Variants in ARB2A observed in about 807,000 individuals in gnomAD.
The protein encoded by ARB2A is ARB2 cotranscriptional regulator A.
the ARB2A span, chr5:94,050,955 T>C: frequency 1.5e-6 from 1 of 673,354 alleles, no homozygotes; most frequent in Non-Finnish European, 2.3e-6. Context: ...ATCTTTTTCA[T>C]TAGATTTTTT....
At chr5:93,935,657 A>T in the ARB2A span, among the ~76,000 whole-genome samples, 2 of 152,318 alleles carry the variant, frequency 1.3e-5, no homozygotes, top group Admixed American at 1.3e-4. Flanking sequence ...CATATGTTCT[A>T]CTGTTAATTA....
the ARB2A span, among the ~76,000 whole-genome samples, chr5:94,047,361 G>A: frequency 1.3e-4 from 19 of 151,946 alleles, 2 homozygotes; most frequent in Non-Finnish European, 2.4e-4. Flanking sequence ...GTGTGGTGGT[G>A]CATGCCTGTA....
chr5:93,711,300 T>A, the ARB2A span, among the ~76,000 whole-genome samples: 6,808 of 151,304 alleles, frequency 0.045, 247 homozygotes, highest in East Asian at 0.13. Context: ...TTAAAAAAAA[T>A]TTCTGATGGG....
chr5:93,967,618 A>C, the ARB2A span, among the ~76,000 whole-genome samples: 1 of 152,012 alleles, frequency 6.6e-6, no homozygotes, highest in East Asian at 1.9e-4. Context: ...GAGGGGACAA[A>C]TTTTTATGAG....
the ARB2A span, chr5:93,683,476 C>T: frequency 6.3e-7 from 1 of 1,593,180 alleles, no homozygotes; most frequent in South Asian, 1.1e-5. Context: ...GCTGTACAGA[C>T]ATTTTCAAAG....
chr5:93,673,669 A>G, the ARB2A span, among the ~76,000 whole-genome samples: 1 of 152,196 alleles, frequency 6.6e-6, no homozygotes, highest in African/African-American at 2.4e-5. Flanking sequence ...CTCCGCAAAA[A>G]GCATTCTCCA....
chr5:93,896,827 C>A, the ARB2A span, among the ~76,000 whole-genome samples: 1 of 151,944 alleles, frequency 6.6e-6, no homozygotes, highest in Non-Finnish European at 1.5e-5. Context: ...GCAACTACTG[C>A]GACATATGCT....
chr5:93,792,543 A>G, the ARB2A span, among the ~76,000 whole-genome samples: 1 of 152,148 alleles, frequency 6.6e-6, no homozygotes, highest in Non-Finnish European at 1.5e-5. Flanking sequence ...GACATGGATG[A>G]AATTGGAAAT....
chr5:94,074,404 TTGAG>T, the ARB2A span, among the ~76,000 whole-genome samples: 1 of 152,074 alleles, frequency 6.6e-6, no homozygotes, highest in African/African-American at 2.4e-5. Flanking sequence ...ATGTATGACA[TTGAG>T]TAAGAAAAGC....
chr5:93,861,300 CTTTTTTTCT>C, the ARB2A span: 1 of 105,752 alleles, frequency 9.5e-6, no homozygotes, highest in African/African-American at 3.7e-5. Context: ...AACTTCTACT[CTTTTTTTCT>C]TTTTTTTTTT....
chr5:94,053,111 AGAT>A, the ARB2A span: 158 of 1,429,738 alleles, frequency 1.1e-4, no homozygotes, highest in Non-Finnish European at 1.5e-4. Flanking sequence ...ATAGATAGAT[AGAT>A]AACCCACTTA....
At chr5:93,639,847 C>T in the ARB2A span, among the ~76,000 whole-genome samples, 1 of 151,652 alleles carries the variant, frequency 6.6e-6, no homozygotes, top group Non-Finnish European at 1.5e-5. Flanking sequence ...GAGTTCGAGA[C>T]CGGCCTGGCC....
At chr5:93,828,514 C>A in the ARB2A span, among the ~76,000 whole-genome samples, 16 of 152,286 alleles carry the variant, frequency 1.1e-4, no homozygotes, top group East Asian at 3.1e-3. Context: ...TCAAATCCAT[C>A]TACTTTTCTT....
the ARB2A span, chr5:93,683,200 A>T: frequency 7.5e-7 from 1 of 1,325,962 alleles, no homozygotes; most frequent in Admixed American, 1.7e-5. Context: ...CATCATCTTC[A>T]TCATCATCCT....
the ARB2A span, among the ~76,000 whole-genome samples, chr5:93,809,341 C>A: frequency 6.6e-6 from 1 of 151,906 alleles, no homozygotes; most frequent in Non-Finnish European, 1.5e-5. Flanking sequence ...ATGCAGTTTA[C>A]CCATGTAACA....
the ARB2A span, among the ~76,000 whole-genome samples, chr5:93,679,272 C>A: frequency 6.6e-6 from 1 of 150,858 alleles, no homozygotes; most frequent in Non-Finnish European, 1.5e-5. Flanking sequence ...GAGAGAAATA[C>A]CCTATTTTTA....
the ARB2A span, among the ~76,000 whole-genome samples, chr5:93,628,572 T>C: frequency 2.0e-5 from 3 of 152,240 alleles, no homozygotes; most frequent in Non-Finnish European, 2.9e-5. Flanking sequence ...TGTTATTTAG[T>C]GTAGCCACCT....
the ARB2A span, chr5:93,618,475 G>C: frequency 6.6e-6 from 1 of 152,100 alleles, no homozygotes; most frequent in Non-Finnish European, 1.5e-5. Flanking sequence ...AACAAAAATG[G>C]GGAAGAAGAT....
chr5:93,856,914 T>C, the ARB2A span, among the ~76,000 whole-genome samples: 2 of 152,104 alleles, frequency 1.3e-5, no homozygotes, highest in Non-Finnish European at 2.9e-5. Flanking sequence ...TTTGTGGTTT[T>C]ATCTACTTTT....
Sources: gnomAD v4.1 joint callset for allele counts (sites outside exome capture counted in the v4.1 genomes callset) on GRCh38, gnomAD v4.1.1 for gene constraint, MANE v1.5 for transcripts, NCBI Gene and HGNC (gene_info 2026-07-23, HGNC 2026-07-21) for gene names.